The following PIGK variants were observed in gnomAD, a reference collection of about 807,000 sequenced individuals.
PIGK encodes the protein GPI-anchor transamidase.
In PIGK, 42 loss-of-function variants were observed where a neutral mutation model predicts 50.6. That is an observed-to-expected ratio of 0.83 (90% CI 0.65 to 1.07). The LOEUF (loss-of-function observed/expected upper bound fraction) is 1.07. Among genes scored for constraint, PIGK ranks in the 50% least tolerant of loss-of-function variants. The pLI is 0.00. For synonymous variants in PIGK, 151 were observed against 156.0 expected (o/e 0.97, Z 0.24); for missense variants, 448 against 488.7 (o/e 0.92, Z 0.78).
chr1:77,141,745 C>T (rs948468349), intron 9 of PIGK, among the ~76,000 whole-genome samples: 1 of 152,140 alleles, frequency 6.6e-6, no homozygotes, highest in African/African-American at 2.4e-5. Flanking sequence ...ACAATATTTA[C>T]TATATTAATT....
chr1:77,116,464 C>T (rs1027290035), intron 10 of PIGK, among the ~76,000 whole-genome samples: 9 of 151,978 alleles, frequency 5.9e-5, no homozygotes, highest in African/African-American at 2.2e-4. Context: ...GGATTACAGG[C>T]GTGAGCCACC....
At position 77,119,989 on chromosome 1, in the gene PIGK, T is replaced by C. The variant is rs535708661; in HGVS notation, c.1071+2286A>G. On this transcript the variant is annotated intron_variant, in intron 10 of 10. Coordinates refer to ENST00000370812, the MANE Select transcript of PIGK (RefSeq NM_005482.3). ...GAGACTGTCCAGAAAGATGATAAAA[T>C]AGGATATATAAGACATAAAAATAAG... 3.3e-5 allele frequency among the ~76,000 whole-genome samples: 5 copies of C among 152,170 alleles called. No individual in the cohort carries two copies. The South Asian group carries it at 1.0e-3, about 32-fold the overall frequency.
At chr1:77,209,559 A>G (rs1238452191) in intron 2 of PIGK, among the ~76,000 whole-genome samples, 3 of 152,262 alleles carry the variant, frequency 2.0e-5, no homozygotes, top group African/African-American at 7.2e-5. Context: ...ATCATGCTCC[A>G]TGACTTCACA....
chr1:77,105,458 T>C (rs1344149896), intron 10 of PIGK, among the ~76,000 whole-genome samples: 1 of 151,998 alleles, frequency 6.6e-6, no homozygotes, highest in Non-Finnish European at 1.5e-5. Flanking sequence ...CTGCCTAGAA[T>C]TTCTCGGTCT....
intron 3 of PIGK, among the ~76,000 whole-genome samples, chr1:77,199,094 T>C (rs955528144): frequency 6.6e-6 from 1 of 152,038 alleles, no homozygotes; most frequent in African/African-American, 2.4e-5. Context: ...ATAAACCCCA[T>C]TCATGGTCTT....
At chr1:77,181,733 A>G (rs2100569453) in intron 3 of PIGK, among the ~76,000 whole-genome samples, 1 of 152,294 alleles carries the variant, frequency 6.6e-6, no homozygotes, top group African/African-American at 2.4e-5. Flanking sequence ...CCTGACACAA[A>G]TTATTAAGGA....
chr1:77,147,334 A>T (rs1654793637), intron 9 of PIGK, among the ~76,000 whole-genome samples: 1 of 151,426 alleles, frequency 6.6e-6, no homozygotes, highest in Non-Finnish European at 1.5e-5. Context: ...TTGGGTGGGG[A>T]CACAGAGCCA....
intron 9 of PIGK, among the ~76,000 whole-genome samples, chr1:77,130,745 C>T (rs1033406734): frequency 2.0e-5 from 3 of 152,124 alleles, no homozygotes; most frequent in Non-Finnish European, 4.4e-5. Context: ...CAGCTTATTA[C>T]GTTCCATGAA....
At chr1:77,112,321 A>G (rs901212596) in intron 10 of PIGK, among the ~76,000 whole-genome samples, 1 of 151,980 alleles carries the variant, frequency 6.6e-6, no homozygotes, top group African/African-American at 2.4e-5. Context: ...TATTTCAATC[A>G]GCTGCAAGTC....
chr1:77,101,125 A>T (rs965541959), intron 10 of PIGK, among the ~76,000 whole-genome samples: 10 of 152,214 alleles, frequency 6.6e-5, no homozygotes, highest in African/African-American at 2.4e-4. Context: ...CAATACATGA[A>T]CAAGACATGA....
At chr1:77,097,767 T>C (rs1426821077) in intron 10 of PIGK, among the ~76,000 whole-genome samples, 1 of 152,134 alleles carries the variant, frequency 6.6e-6, no homozygotes, top group Non-Finnish European at 1.5e-5. Context: ...CTTACAATTA[T>C]TGAGAATAAA....
chr1:77,120,097 CA>C (rs1445867272), intron 10 of PIGK, among the ~76,000 whole-genome samples: 1 of 152,086 alleles, frequency 6.6e-6, no homozygotes, highest in South Asian at 2.1e-4. Context: ...AAAATAGTTA[CA>C]GGGGGAGATT....
At chr1:77,190,301 C>T (rs952922273) in intron 3 of PIGK, among the ~76,000 whole-genome samples, 5 of 151,686 alleles carry the variant, frequency 3.3e-5, no homozygotes, top group African/African-American at 1.2e-4. Flanking sequence ...CTCAGGAGGC[C>T]GAGGCGGGAG....
At chr1:77,209,900 C>A (rs1310838304) in intron 2 of PIGK, among the ~76,000 whole-genome samples, 2 of 151,986 alleles carry the variant, frequency 1.3e-5, no homozygotes, top group Non-Finnish European at 2.9e-5. Flanking sequence ...TTGAACAATG[C>A]TCACCAAAAT....
chr1:77,106,997 T>C (rs1480767862), intron 10 of PIGK, among the ~76,000 whole-genome samples: 1 of 152,172 alleles, frequency 6.6e-6, no homozygotes, highest in Admixed American at 6.6e-5. Context: ...TTATTAGTCT[T>C]GCTAGAGGTC....
intron 8 of PIGK, among the ~76,000 whole-genome samples, chr1:77,154,999 G>C (rs1164134802): frequency 6.6e-6 from 1 of 152,098 alleles, no homozygotes; most frequent in African/African-American, 2.4e-5. Flanking sequence ...CTACTAGAAT[G>C]GTTTTCAAAC....
chr1:77,128,815 T>G (rs1654288128), intron 9 of PIGK, among the ~76,000 whole-genome samples: 1 of 152,260 alleles, frequency 6.6e-6, no homozygotes, highest in East Asian at 1.9e-4. Context: ...TTATACAGTG[T>G]AATTCAGCCA....
chr1:77,104,227 T>C (rs1653614908), intron 10 of PIGK, among the ~76,000 whole-genome samples: 1 of 151,966 alleles, frequency 6.6e-6, no homozygotes, highest in Non-Finnish European at 1.5e-5. Flanking sequence ...AAAAGAGATA[T>C]ATGACATACA....
intron 1 of PIGK, among the ~76,000 whole-genome samples, 167 bp downstream of exon 1, chr1:77,219,143 C>G (rs1247089311): frequency 3.3e-5 from 5 of 152,210 alleles, no homozygotes; most frequent in African/African-American, 9.6e-5. Context: ...AACGCTGAAA[C>G]AGACCAACAG....
Sources: allele counts gnomAD v4.1 joint callset (sites outside exome capture counted in the v4.1 genomes callset), GRCh38; gene constraint gnomAD v4.1.1; transcripts MANE v1.5; gene names NCBI Gene and HGNC (gene_info 2026-07-23, HGNC 2026-07-21).